Variants in NRG3 observed in about 807,000 individuals in gnomAD.
NRG3 encodes the protein pro-neuregulin-3, membrane-bound isoform.
A neutral mutation model predicts 66.9 loss-of-function variants in NRG3; 31 were observed. The ratio of observed to expected loss-of-function variants is 0.46; its 90% CI spans 0.35 to 0.63. The LOEUF (loss-of-function observed/expected upper bound fraction) is 0.63. Among genes scored for constraint, NRG3 ranks in the 20% least tolerant of loss-of-function variants. The probability of loss-of-function intolerance (pLI) is 0.00; values close to 1 mark genes in which losing one functional copy is unlikely to be tolerated. For synonymous variants in NRG3, 393 were observed against 359.4 expected (o/e 1.09, Z -1.06); for missense variants, 910 against 878.9 (o/e 1.04, Z -0.45).
chr10:82,448,279 C>A (rs772040951), intron 2 of NRG3, among the ~76,000 whole-genome samples: 1 of 152,212 alleles, frequency 6.6e-6, no homozygotes, highest in African/African-American at 2.4e-5. Flanking sequence ...TGGCAGCCCC[C>A]ACCCGCTTTA....
chr10:82,864,824 AGTG>A (rs1840547869), intron 3 of NRG3, among the ~76,000 whole-genome samples: 1 of 152,176 alleles, frequency 6.6e-6, no homozygotes, highest in Admixed American at 6.5e-5. Context: ...GTGCCCTGGA[AGTG>A]TCTCAGATTT....
chr10:81,981,398 G>A (rs891483075), intron 1 of NRG3, among the ~76,000 whole-genome samples: 3 of 152,226 alleles, frequency 2.0e-5, no homozygotes, highest in African/African-American at 7.2e-5. Context: ...AATTCTATTA[G>A]ATATTAAGGC....
At chr10:82,917,081 G>A (rs934404557) in intron 4 of NRG3, among the ~76,000 whole-genome samples, 2 of 152,190 alleles carry the variant, frequency 1.3e-5, no homozygotes, top group African/African-American at 2.4e-5. Context: ...ACGCTCCTCA[G>A]GGAATGTAAT....
intron 2 of NRG3, among the ~76,000 whole-genome samples, chr10:82,659,147 G>A (rs150597617): frequency 6.6e-6 from 1 of 152,266 alleles, no homozygotes; most frequent in Non-Finnish European, 1.5e-5. Flanking sequence ...AATAAACATT[G>A]CAAATGGAAC....
chr10:82,654,129 G>T (rs566724161), intron 2 of NRG3, among the ~76,000 whole-genome samples: 1 of 152,122 alleles, frequency 6.6e-6, no homozygotes, highest in African/African-American at 2.4e-5. Context: ...GGATGCGACC[G>T]TAAGTGAATA....
At chr10:82,960,889 CT>C (rs1366861450) in intron 6 of NRG3, among the ~76,000 whole-genome samples, 5 of 152,114 alleles carry the variant, frequency 3.3e-5, no homozygotes, top group Non-Finnish European at 5.9e-5. Context: ...GGCCCCACCC[CT>C]ATCTCCCTTC....
chr10:82,092,531 T>C (rs375203484), intron 1 of NRG3, among the ~76,000 whole-genome samples: 1 of 152,244 alleles, frequency 6.6e-6, no homozygotes, highest in East Asian at 1.9e-4. Flanking sequence ...TCATGTGCCT[T>C]GGAGAGGATT....
intron 1 of NRG3, among the ~76,000 whole-genome samples, chr10:82,234,765 A>G (rs1438476329): frequency 6.6e-6 from 1 of 152,206 alleles, no homozygotes; most frequent in Admixed American, 6.5e-5. Context: ...TCTTTATACC[A>G]AGTCAAGTCA....
rs75871662 is a variant in NRG3, at chr10:82,178,816, G to T, written c.824-179923G>T. Among the ~76,000 whole-genome samples, 980 of 152,098 alleles carry T rather than the reference G, an allele frequency of 6.4e-3. 50 individuals are homozygous for T. In the East Asian group the frequency reaches 0.13, roughly 19 times the overall value. On this transcript the variant is annotated intron_variant, in intron 1 of 8. Coordinates refer to ENST00000372141, the MANE Select transcript of NRG3 (RefSeq NM_001010848.4). ...CTTCATAGTGTTTTCCATAGCATCT[G>T]CACCATTTTAGGTATTCCAACCAGC...
chr10:82,636,327 T>G (rs945850597), intron 2 of NRG3, among the ~76,000 whole-genome samples: 10 of 151,830 alleles, frequency 6.6e-5, no homozygotes, highest in African/African-American at 2.4e-4. Flanking sequence ...AGCCTGGGAT[T>G]AATGACACTC....
At chr10:81,921,407 G>A (rs1846241074) in intron 1 of NRG3, among the ~76,000 whole-genome samples, 1 of 152,018 alleles carries the variant, frequency 6.6e-6, no homozygotes, top group South Asian at 2.1e-4. Context: ...GAAATGCCAA[G>A]TAGTTTTGCT....
At chr10:82,196,764 G>C (rs184748552) in intron 1 of NRG3, among the ~76,000 whole-genome samples, 1 of 152,174 alleles carries the variant, frequency 6.6e-6, no homozygotes, top group Non-Finnish European at 1.5e-5. Context: ...ATAAGGAAGA[G>C]GGTGAATGGC....
chr10:82,711,442 C>A (rs996968884), intron 2 of NRG3, among the ~76,000 whole-genome samples: 3 of 151,798 alleles, frequency 2.0e-5, no homozygotes, highest in African/African-American at 4.8e-5. Flanking sequence ...ATGTATTATT[C>A]TCTAGCTTAA....
intron 1 of NRG3, among the ~76,000 whole-genome samples, chr10:81,943,723 G>T (rs1274904953): frequency 6.6e-6 from 1 of 152,202 alleles, no homozygotes; most frequent in African/African-American, 2.4e-5. Context: ...GTTGTTTGCT[G>T]CTGGCCTCTG....
chr10:82,350,017 C>T (rs1029728154), intron 1 of NRG3, among the ~76,000 whole-genome samples: 4 of 152,178 alleles, frequency 2.6e-5, no homozygotes, highest in Admixed American at 1.3e-4. Context: ...GCGGAAATCA[C>T]CGTCTTCTGC....
At chr10:81,966,183 A>G (rs952829961) in intron 1 of NRG3, among the ~76,000 whole-genome samples, 2 of 151,808 alleles carry the variant, frequency 1.3e-5, no homozygotes, top group African/African-American at 4.8e-5. Flanking sequence ...TTACATTAAT[A>G]TACAGCTAAA....
intron 1 of NRG3, among the ~76,000 whole-genome samples, chr10:82,170,879 CATATT>C (rs1479078121): frequency 6.6e-6 from 1 of 150,824 alleles, no homozygotes; most frequent in African/African-American, 2.4e-5. Context: ...TAGGAGAAGT[CATATT>C]ATAAGTTAAT....
At chr10:82,898,488 C>T (rs189222892) in intron 4 of NRG3, among the ~76,000 whole-genome samples, 4 of 152,198 alleles carry the variant, frequency 2.6e-5, no homozygotes, top group African/African-American at 7.2e-5. Context: ...GTTCTGACTA[C>T]ACAAAAGTAG....
intron 2 of NRG3, among the ~76,000 whole-genome samples, chr10:82,579,220 A>G (rs981727715): frequency 2.0e-5 from 3 of 151,908 alleles, no homozygotes; most frequent in African/African-American, 7.2e-5. Context: ...AATTAAGGAA[A>G]CTGTATACTG....
Sources: gnomAD v4.1 joint callset for allele counts (sites outside exome capture counted in the v4.1 genomes callset) on GRCh38, gnomAD v4.1.1 for gene constraint, MANE v1.5 for transcripts, NCBI Gene and HGNC (gene_info 2026-07-23, HGNC 2026-07-21) for gene names.